SEMA5A: variants seen among roughly 807,000 people sequenced by gnomAD.
SEMA5A encodes semaphorin-5A.
Under a neutral mutation model 135.5 loss-of-function variants are expected in SEMA5A, and 55 were observed. The ratio of observed to expected loss-of-function variants is 0.41; its 90% CI spans 0.33 to 0.51. SEMA5A has a LOEUF of 0.51. Ranked by LOEUF, SEMA5A falls within the 20% of genes least tolerant of loss-of-function variation. SEMA5A has a pLI of 0.37. For missense variants in SEMA5A, 1,290 were observed against 1,419.9 expected (o/e 0.91, Z 1.47); for synonymous variants, 580 against 546.5 (o/e 1.06, Z -0.85).
intron 16 of SEMA5A, among the ~76,000 whole-genome samples, chr5:9,069,623 T>G (rs1737666176): frequency 6.6e-6 from 1 of 152,168 alleles, no homozygotes; most frequent in Non-Finnish European, 1.5e-5. Flanking sequence ...ACACTCAGGA[T>G]TTTTGTGACA....
chr5:9,306,672 G>A (rs979324338), intron 5 of SEMA5A, among the ~76,000 whole-genome samples: 3 of 152,214 alleles, frequency 2.0e-5, no homozygotes, highest in African/African-American at 7.2e-5. Flanking sequence ...AGAGGAAGGG[G>A]CAGCTATGAA....
intron 3 of SEMA5A, among the ~76,000 whole-genome samples, chr5:9,340,224 C>A (rs1237398911): frequency 6.6e-6 from 1 of 152,128 alleles, no homozygotes; most frequent in Non-Finnish European, 1.5e-5. Context: ...AAACACATGA[C>A]CAGGGAGCAC....
chr5:9,389,097 T>C, intron 2 of SEMA5A, among the ~76,000 whole-genome samples: 1 of 152,144 alleles, frequency 6.6e-6, no homozygotes, highest in Admixed American at 6.5e-5. Flanking sequence ...GAAGCTTATG[T>C]AACTAGATAT....
intron 16 of SEMA5A, among the ~76,000 whole-genome samples, chr5:9,087,446 G>C (rs985679667): frequency 2.0e-5 from 3 of 152,088 alleles, no homozygotes; most frequent in African/African-American, 7.2e-5. Flanking sequence ...TCATTCTGCT[G>C]TGTGTTTCTA....
intron 1 of SEMA5A, among the ~76,000 whole-genome samples, chr5:9,460,698 T>A (rs1176152732): frequency 6.6e-6 from 1 of 152,140 alleles, no homozygotes; most frequent in South Asian, 2.1e-4. Context: ...CATTCCAATT[T>A]CCATTTTTGA....
chr5:9,279,840 C>T (rs1405406384), intron 5 of SEMA5A, among the ~76,000 whole-genome samples: 1 of 152,176 alleles, frequency 6.6e-6, no homozygotes, highest in African/African-American at 2.4e-5. Flanking sequence ...CCAAGCCATG[C>T]TTCCTGTTAA....
intron 13 of SEMA5A, among the ~76,000 whole-genome samples, chr5:9,132,721 G>C (rs1741501550): frequency 6.6e-6 from 1 of 152,168 alleles, no homozygotes; most frequent in African/African-American, 2.4e-5. Flanking sequence ...AAGTTTACTT[G>C]GGAGGGTCAC....
In SEMA5A at chr5:9,147,632, G is replaced by A. The variant is rs537554985; in HGVS notation, c.1481+6856C>T. 1.1e-4 allele frequency among the ~76,000 whole-genome samples: 17 copies of A among 149,858 alleles called. No homozygotes were observed. The South Asian group carries it at 2.3e-3, about 20-fold the overall frequency. On this transcript the variant is annotated intron_variant, in intron 12 of 22. Coordinates refer to ENST00000382496, the MANE Select transcript of SEMA5A (RefSeq NM_003966.3). ...TCTTATAAGGCACAATTTAAAAGGT[G>A]TGACTCTTTTATATGTAAGCTATAA...
chr5:9,064,313 G>A (rs786849), intron 17 of SEMA5A, among the ~76,000 whole-genome samples: 118,103 of 152,106 alleles, frequency 0.78, 46,067 homozygotes, highest in East Asian at 0.95. Flanking sequence ...CAAAGCCATT[G>A]AGATACAGAA....
intron 5 of SEMA5A, among the ~76,000 whole-genome samples, chr5:9,311,992 A>T (rs1164126727): frequency 1.3e-5 from 2 of 152,110 alleles, no homozygotes; most frequent in African/African-American, 4.8e-5. Context: ...ATGGATTTGG[A>T]GCTATTTCCC....
At chr5:9,341,189 AAC>A (rs973334085) in intron 3 of SEMA5A, among the ~76,000 whole-genome samples, 6 of 148,760 alleles carry the variant, frequency 4.0e-5, no homozygotes, top group Admixed American at 6.7e-5. Context: ...CACACATACA[AAC>A]ACACACACAC....
At chr5:9,182,811 C>T (rs994244518) in intron 11 of SEMA5A, among the ~76,000 whole-genome samples, 1 of 151,880 alleles carries the variant, frequency 6.6e-6, no homozygotes, top group African/African-American at 2.4e-5. Flanking sequence ...CCTCCTTCTA[C>T]CCTTTTTGTT....
intron 2 of SEMA5A, among the ~76,000 whole-genome samples, chr5:9,434,770 G>C (rs1436334052): frequency 6.6e-6 from 1 of 152,050 alleles, no homozygotes; most frequent in African/African-American, 2.4e-5. Flanking sequence ...CTTTGCCATG[G>C]CACATGGAAT....
At chr5:9,346,699 G>T (rs1209966033) in intron 3 of SEMA5A, among the ~76,000 whole-genome samples, 1 of 152,192 alleles carries the variant, frequency 6.6e-6, no homozygotes, top group Admixed American at 6.5e-5. Flanking sequence ...AAAGTGGCCA[G>T]CTGGTTCCAG....
intron 16 of SEMA5A, among the ~76,000 whole-genome samples, chr5:9,094,849 A>C (rs892439077): frequency 2.0e-5 from 3 of 152,192 alleles, no homozygotes; most frequent in Non-Finnish European, 4.4e-5. Flanking sequence ...TTACTTTCTC[A>C]TGCAGCACGG....
chr5:9,278,547 G>A (rs1286649607), intron 5 of SEMA5A, among the ~76,000 whole-genome samples: 1 of 152,216 alleles, frequency 6.6e-6, no homozygotes, highest in Non-Finnish European at 1.5e-5. Flanking sequence ...AGGCAATGGG[G>A]AATATATCTC....
At chr5:9,337,512 G>A (rs758715531) in intron 4 of SEMA5A, among the ~76,000 whole-genome samples, 8 of 152,158 alleles carry the variant, frequency 5.3e-5, no homozygotes, top group Non-Finnish European at 8.8e-5. Context: ...GTGAGGGCCC[G>A]ATCAATGCTT....
At chr5:9,066,336 T>C (rs2150072685) in intron 17 of SEMA5A, 85 bp downstream of exon 17, 3 of 1,291,612 alleles carry the variant, frequency 2.3e-6, no homozygotes, top group Non-Finnish European at 3.4e-6. Flanking sequence ...AAAAGGAAAA[T>C]GCCCCCTTGC....
At chr5:9,075,210 C>T (rs961944776) in intron 16 of SEMA5A, among the ~76,000 whole-genome samples, 2 of 152,222 alleles carry the variant, frequency 1.3e-5, no homozygotes, top group Non-Finnish European at 2.9e-5. Flanking sequence ...TTTGCTCTAT[C>T]TCATACACTG....
Sources: allele counts gnomAD v4.1 joint callset (sites outside exome capture counted in the v4.1 genomes callset), GRCh38; gene constraint gnomAD v4.1.1; transcripts MANE v1.5; gene names NCBI Gene and HGNC (gene_info 2026-07-23, HGNC 2026-07-21).